KCNJ6: variants seen among roughly 807,000 people sequenced by gnomAD.
KCNJ6 encodes the protein G protein-activated inward rectifier potassium channel 2.
In KCNJ6, 9 loss-of-function variants were observed where a neutral mutation model predicts 34.2. The ratio of observed to expected loss-of-function variants is 0.26; its 90% CI spans 0.16 to 0.46. KCNJ6 has a LOEUF of 0.46. Among genes scored for constraint, KCNJ6 ranks in the 20% least tolerant of loss-of-function variants. The pLI is 1.00. For missense variants in KCNJ6, 236 were observed against 531.3 expected (o/e 0.44, Z 5.46); for synonymous variants, 196 against 207.1 (o/e 0.95, Z 0.46).
At chr21:37,876,938 G>T (rs974159713) in intron 1 of KCNJ6, among the ~76,000 whole-genome samples, 2 of 152,184 alleles carry the variant, frequency 1.3e-5, no homozygotes, top group Non-Finnish European at 2.9e-5. Context: ...AGAGTCCCCT[G>T]TAAATATCTG....
intron 2 of KCNJ6, among the ~76,000 whole-genome samples, chr21:37,809,473 C>T (rs9984781): frequency 0.52 from 78,581 of 150,476 alleles, 23,687 homozygotes; most frequent in South Asian, 0.7. Context: ...CATGTATACA[C>T]ATGTAACAAA....
chr21:37,687,291 A>G (rs1352657697), intron 3 of KCNJ6, among the ~76,000 whole-genome samples: 1 of 152,168 alleles, frequency 6.6e-6, no homozygotes, highest in East Asian at 1.9e-4. Flanking sequence ...CAGCTGACCC[A>G]GACTCACCAC....
chr21:37,722,600 T>C (rs1477935105), intron 2 of KCNJ6, among the ~76,000 whole-genome samples: 2 of 152,110 alleles, frequency 1.3e-5, no homozygotes, highest in Admixed American at 1.3e-4. Context: ...CATAGACCAA[T>C]GCAACAGAAC....
chr21:37,646,909 G>C (rs1310976566), intron 3 of KCNJ6, among the ~76,000 whole-genome samples: 1 of 152,018 alleles, frequency 6.6e-6, no homozygotes, highest in East Asian at 1.9e-4. Context: ...TCCTGACCTC[G>C]TGATCCGCCC....
At position 37,878,047 on chromosome 21, in the gene KCNJ6, G is replaced by T. The variant is rs141432262; in HGVS notation, c.-27-37338C>A. On this transcript the variant is annotated intron_variant, in intron 1 of 3. Coordinates refer to ENST00000609713, the MANE Select transcript of KCNJ6 (RefSeq NM_002240.5). ...ACTCCATAGGAATGGATGACTAAAT[G>T]GTTTCATTTAGAGACAGCTCTTTTT... Among the ~76,000 whole-genome samples, 684 of 152,316 alleles carry T rather than the reference G, an allele frequency of 4.5e-3. 6 individuals are homozygous for T. The highest frequency in any genetic ancestry group is 0.016 in the African/African-American group (646 of 41,558).
intron 1 of KCNJ6, among the ~76,000 whole-genome samples, chr21:37,852,146 T>C (rs1177146833): frequency 6.6e-6 from 1 of 152,226 alleles, no homozygotes; most frequent in Non-Finnish European, 1.5e-5. Flanking sequence ...CCCACTCTTA[T>C]CAGGTGTAAT....
intron 3 of KCNJ6, among the ~76,000 whole-genome samples, chr21:37,690,781 C>CTTTTT (rs796532358): frequency 7.3e-6 from 1 of 136,568 alleles, no homozygotes. Flanking sequence ...TTTTTCTTTT[C>CTTTTT]TTTTTTTTTT....
At chr21:37,777,334 CT>C (rs571374511) in intron 2 of KCNJ6, among the ~76,000 whole-genome samples, 8 of 152,166 alleles carry the variant, frequency 5.3e-5, no homozygotes, top group Admixed American at 5.2e-4. Flanking sequence ...TCCCCTGCCC[CT>C]ATCTGCTCTT....
chr21:37,773,062 C>T (rs908017149), intron 2 of KCNJ6, among the ~76,000 whole-genome samples: 10 of 152,164 alleles, frequency 6.6e-5, no homozygotes, highest in Admixed American at 6.5e-4. Context: ...GTTCCAGGGC[C>T]TTCAGGGTGT....
rs1390405986 is a variant in KCNJ6, at chr21:37,726,337, G to T, written c.26-11206C>A. ...GATGTTATTGTTTTCATTTTTAATT[G>T]TCTGTTGGCTCTTGTCAGAAGGTAC... On this transcript the variant is annotated intron_variant, in intron 2 of 3. Transcript: ENST00000609713. Among the ~76,000 whole-genome samples, 3 of 152,032 alleles carry T rather than the reference G, an allele frequency of 2.0e-5. No individual in the cohort carries two copies. The East Asian group carries it at 5.8e-4, about 29-fold the overall frequency.
At position 37,619,774 on chromosome 21, in the gene KCNJ6, T is replaced by C. The variant is rs907440311; in HGVS notation, c.*5385A>G. On this transcript the variant is annotated 3_prime_UTR_variant, in exon 4 of 4. Transcript: ENST00000609713. ...GAGCAGAGACTGGCAGCCTGAGCTA[T>C]GTACATCATCCAACGCCTGAGGGTG... 1 of 152,398 alleles carries C rather than the reference T, an allele frequency of 6.6e-6. No individual in the cohort carries two copies. The highest frequency in any genetic ancestry group is 2.1e-4 in the South Asian group (1 of 4,826). The allele number at this position is 152,398 out of a possible 1,614,324, so 9.4% of individuals were successfully genotyped here. A position where few individuals can be genotyped will look rare whatever the true frequency, so the allele number is the denominator to read the frequency against.
intron 2 of KCNJ6, among the ~76,000 whole-genome samples, chr21:37,763,654 C>T (rs2055077090): frequency 6.6e-6 from 1 of 152,168 alleles, no homozygotes; most frequent in East Asian, 1.9e-4. Context: ...GCCATGTGTT[C>T]TAGATACATG....
At chr21:37,687,760 C>T (rs947767199) in intron 3 of KCNJ6, among the ~76,000 whole-genome samples, 1 of 152,196 alleles carries the variant, frequency 6.6e-6, no homozygotes, top group African/African-American at 2.4e-5. Context: ...ATAAAAAGGA[C>T]ACACCTCTGC....
chr21:37,660,856 G>A (rs916083098), intron 3 of KCNJ6, among the ~76,000 whole-genome samples: 4 of 152,198 alleles, frequency 2.6e-5, no homozygotes, highest in African/African-American at 9.7e-5. Flanking sequence ...GTCCCCGTCT[G>A]TGCCTTGGTT....
chr21:37,643,942 C>T (rs556719736), intron 3 of KCNJ6, among the ~76,000 whole-genome samples: 6 of 152,144 alleles, frequency 3.9e-5, no homozygotes, highest in African/African-American at 1.4e-4. Context: ...CATTGCAGCA[C>T]TATTCACAAT....
chr21:37,644,491 T>C (rs1341789118), intron 3 of KCNJ6, among the ~76,000 whole-genome samples: 1 of 152,178 alleles, frequency 6.6e-6, no homozygotes, highest in Non-Finnish European at 1.5e-5. Context: ...TGGTATAAGA[T>C]GCATGTGTCT....
At chr21:37,686,595 G>A (rs1415109408) in intron 3 of KCNJ6, among the ~76,000 whole-genome samples, 1 of 151,586 alleles carries the variant, frequency 6.6e-6, no homozygotes, top group East Asian at 1.9e-4. Flanking sequence ...AGCCTCCTGA[G>A]TAGCTGGGAT....
At chr21:37,696,761 A>G (rs540176125) in intron 3 of KCNJ6, among the ~76,000 whole-genome samples, 5 of 152,204 alleles carry the variant, frequency 3.3e-5, no homozygotes, top group Non-Finnish European at 7.3e-5. Flanking sequence ...ACTTTTACAT[A>G]ACTGCATCAT....
chr21:37,859,031 C>T (rs1248224562), intron 1 of KCNJ6, among the ~76,000 whole-genome samples: 1 of 152,188 alleles, frequency 6.6e-6, no homozygotes, highest in Non-Finnish European at 1.5e-5. Context: ...ATGAAACTCT[C>T]ATTCTACCGA....
Sources: gnomAD v4.1 joint callset for allele counts (sites outside exome capture counted in the v4.1 genomes callset) on GRCh38, gnomAD v4.1.1 for gene constraint, MANE v1.5 for transcripts, NCBI Gene and HGNC (gene_info 2026-07-23, HGNC 2026-07-21) for gene names.